The following PTCHD4 variants were observed in gnomAD, a reference collection of about 807,000 sequenced individuals.
PTCHD4 encodes patched domain-containing protein 4.
In PTCHD4, 33 loss-of-function variants were observed where a neutral mutation model predicts 58.1. The observed-to-expected ratio is 0.57, with a 90% CI of 0.43 to 0.76. The LOEUF (loss-of-function observed/expected upper bound fraction) is 0.76, where lower values mean the gene tolerates loss of function less well. Among genes scored for constraint, PTCHD4 ranks in the 30% least tolerant of loss-of-function variants. The probability of loss-of-function intolerance (pLI) is 0.00; values close to 1 mark genes in which losing one functional copy is unlikely to be tolerated. For missense variants in PTCHD4, 1,058 were observed against 1,027.1 expected, an observed-to-expected ratio of 1.03 and a Z score of -0.41; for synonymous variants, 478 against 409.6, an observed-to-expected ratio of 1.17 and a Z score of -2.02.
rs142142059 is a variant in PTCHD4, at chr6:47,878,389, T to G, written c.2446A>C (p.Lys816Gln). 6.2e-7 allele frequency: 1 copy of G among 1,613,226 alleles called. No individual in the cohort carries two copies. Among genetic ancestry groups the G allele is most frequent in the Non-Finnish European group, 8.5e-7 (1 of 1,179,616 alleles). The stretch of plus-strand genomic sequence containing the variant: ...TCCTTTCGCTTGGCACGTTTCTTTT[T>G]CTTGTGGTGCTTTTTGGAAGGGGGG... ...FFPPSKKHHK[K>Q]KKRAKRKERE... Residue 816 changes from lysine (K) to glutamine (Q), a missense_variant, in exon 5 of 5, where the codon AAA becomes CAA. By Grantham distance (53) the Lys-to-Gln change is moderately conservative. Transcript: ENST00000339488.
chr6:48,103,173 C>T (rs1765644057), intron 1 of PTCHD4, among the ~76,000 whole-genome samples: 1 of 152,202 alleles, frequency 6.6e-6, no homozygotes, highest in African/African-American at 2.4e-5. Context: ...GGTCCCTGAC[C>T]CACGAGTAGC....
intron 3 of PTCHD4, among the ~76,000 whole-genome samples, chr6:48,027,141 T>G (rs1366408605): frequency 6.6e-6 from 1 of 152,154 alleles, no homozygotes; most frequent in Non-Finnish European, 1.5e-5. Context: ...TGTAATATTT[T>G]TCTTCTACAT....
At chr6:48,028,584 AT>A (rs1187616387) in intron 3 of PTCHD4, among the ~76,000 whole-genome samples, 1 of 152,062 alleles carries the variant, frequency 6.6e-6, no homozygotes, top group Non-Finnish European at 1.5e-5. Flanking sequence ...GTAACCGAGT[AT>A]TTTTGGATTT....
intron 4 of PTCHD4, among the ~76,000 whole-genome samples, chr6:47,952,685 T>C (rs915475747): frequency 6.6e-6 from 1 of 152,144 alleles, no homozygotes; most frequent in African/African-American, 2.4e-5. Context: ...GCCTACAGTA[T>C]TCAGTACAGG....
chr6:48,086,054 A>G (rs1238648314), intron 1 of PTCHD4, among the ~76,000 whole-genome samples: 1 of 152,124 alleles, frequency 6.6e-6, no homozygotes, highest in African/African-American at 2.4e-5. Context: ...AGCAATATTC[A>G]CAGCATCCGA....
At chr6:47,886,112 T>C (rs10948388) in intron 4 of PTCHD4, among the ~76,000 whole-genome samples, 100,805 of 150,304 alleles carry the variant, frequency 0.67, 34,212 homozygotes, top group East Asian at 0.78. Context: ...GCCACGGCGA[T>C]GGCAAGATTT....
chr6:47,942,413 G>T (rs34080914), intron 4 of PTCHD4, among the ~76,000 whole-genome samples: 1 of 152,060 alleles, frequency 6.6e-6, no homozygotes, highest in Non-Finnish European at 1.5e-5. Flanking sequence ...CAGGGATTGC[G>T]GAATAAAGAA....
At chr6:48,049,823 G>C (rs1030015020) in intron 3 of PTCHD4, among the ~76,000 whole-genome samples, 2 of 151,826 alleles carry the variant, frequency 1.3e-5, no homozygotes, top group Non-Finnish European at 2.9e-5. Flanking sequence ...CTCCATAAAT[G>C]TTTATTCACC....
At chr6:47,918,572 G>C (rs568901786) in intron 4 of PTCHD4, among the ~76,000 whole-genome samples, 21 of 152,040 alleles carry the variant, frequency 1.4e-4, no homozygotes, top group Admixed American at 6.5e-4. Context: ...TAGTTGGCTA[G>C]CTATAGGCAT....
intron 4 of PTCHD4, chr6:47,901,316 G>T: frequency 2.2e-6 from 1 of 447,918 alleles, no homozygotes; most frequent in Non-Finnish European, 2.9e-6. Context: ...TTCCTTCCTT[G>T]TGATGTTTTT....
intron 3 of PTCHD4, among the ~76,000 whole-genome samples, chr6:48,059,108 C>G (rs941941859): frequency 2.6e-5 from 4 of 152,170 alleles, no homozygotes; most frequent in Admixed American, 2.6e-4. Context: ...TTCTAAGCAC[C>G]TTATAATCTT....
chr6:47,974,525 G>C (rs527519943), intron 4 of PTCHD4, among the ~76,000 whole-genome samples: 24 of 152,130 alleles, frequency 1.6e-4, no homozygotes, highest in Admixed American at 9.2e-4. Context: ...TTGTGGGGGG[G>C]GCTGTCCTGT....
intron 4 of PTCHD4, among the ~76,000 whole-genome samples, chr6:47,984,499 G>A (rs1368732645): frequency 1.3e-5 from 2 of 152,012 alleles, no homozygotes; most frequent in Non-Finnish European, 2.9e-5. Flanking sequence ...TAGACATATG[G>A]GGATTAAAAT....
In PTCHD4 at chr6:47,873,254, C is replaced by T. The variant is rs1405141415; in HGVS notation, c.*5049G>A. ...GAGAATCTATAGTTTTGCAACACCA[C>T]GTGATTCTCTCTGCTGTATTCTAAA... On this transcript the variant is annotated 3_prime_UTR_variant, in exon 5 of 5. Transcript: ENST00000339488. Among the ~76,000 whole-genome samples, 3 of 151,746 alleles carry T rather than the reference C, an allele frequency of 2.0e-5. No individual in the cohort carries two copies. The highest frequency in any genetic ancestry group is 4.4e-5 in the Non-Finnish European group (3 of 67,788).
At chr6:47,919,551 G>A (rs968716252) in intron 4 of PTCHD4, among the ~76,000 whole-genome samples, 1 of 152,158 alleles carries the variant, frequency 6.6e-6, no homozygotes, top group Non-Finnish European at 1.5e-5. Context: ...TTCTAGCAGA[G>A]AGACTGGTTT....
intron 4 of PTCHD4, among the ~76,000 whole-genome samples, chr6:47,944,354 G>T (rs1581914385): frequency 6.6e-6 from 1 of 152,162 alleles, no homozygotes; most frequent in East Asian, 1.9e-4. Context: ...AATGACAATA[G>T]CTTGGCAGCA....
intron 4 of PTCHD4, among the ~76,000 whole-genome samples, chr6:47,933,022 C>A (rs944612191): frequency 3.3e-5 from 5 of 152,160 alleles, no homozygotes; most frequent in African/African-American, 9.7e-5. Flanking sequence ...GCCACACATA[C>A]AATAAACAAT....
chr6:48,080,623 A>G (rs1036197398), intron 1 of PTCHD4, among the ~76,000 whole-genome samples: 1 of 152,200 alleles, frequency 6.6e-6, no homozygotes, highest in Admixed American at 6.5e-5. Flanking sequence ...TAATCACATA[A>G]TAGCTACTTA....
Position 47,859,134 on chromosome 6 carries a change from A to G in PTCHD4, c.*19169T>C, listed in dbSNP as rs150234607. 3.1e-3 allele frequency among the ~76,000 whole-genome samples: 473 copies of G among 152,152 alleles called. 11 individuals are homozygous for G. Among genetic ancestry groups the G allele is most frequent in the East Asian group, 0.018 (94 of 5,146 alleles). On this transcript the variant is annotated 3_prime_UTR_variant, in exon 5 of 5. Coordinates refer to ENST00000339488, the MANE Select transcript of PTCHD4 (RefSeq NM_001384253.1). ...GTGTATTTGTGTGCATACTCTTACA[A>G]TTCCAGCTGAAAATGGCTTGGGGCA...
Sources: gnomAD v4.1 joint callset for allele counts (sites outside exome capture counted in the v4.1 genomes callset) on GRCh38, gnomAD v4.1.1 for gene constraint, MANE v1.5 for transcripts, NCBI Gene and HGNC (gene_info 2026-07-23, HGNC 2026-07-21) for gene names.